The following SUPT3H variants were observed in gnomAD, a reference collection of about 807,000 sequenced individuals.
SUPT3H encodes SPT3 homolog, SAGA and STAGA complex component.
SUPT3H carries 44 observed loss-of-function variants against 44.3 expected under a neutral mutation model. The ratio of observed to expected loss-of-function variants is 0.99; its 90% confidence interval spans 0.78 to 1.28. SUPT3H has a LOEUF of 1.28. Among genes scored for constraint, SUPT3H ranks in the 50% most tolerant of loss-of-function variants. SUPT3H has a pLI of 0.00. For missense variants in SUPT3H, 380 were observed against 387.1 expected (o/e 0.98, Z 0.15); for synonymous variants, 124 against 125.6 (o/e 0.99, Z 0.09).
At chr6:45,173,335 C>CA (rs751196917) in intron 2 of SUPT3H, among the ~76,000 whole-genome samples, 3 of 152,132 alleles carry the variant, frequency 2.0e-5, no homozygotes, top group Non-Finnish European at 4.4e-5. Context: ...TTTGCAATTA[C>CA]AAACACAAGC....
intron 2 of SUPT3H, among the ~76,000 whole-genome samples, chr6:45,188,835 T>G (rs1562649219): frequency 6.6e-6 from 1 of 152,340 alleles, no homozygotes; most frequent in East Asian, 1.9e-4. Context: ...GTACTCATTT[T>G]TATAGGTAGT....
At position 44,936,374 on chromosome 6, in the gene SUPT3H, A is replaced by G. The variant is rs1425335522; in HGVS notation, c.802-3611T>C. Among the ~76,000 whole-genome samples the G allele has an allele frequency of 2.0e-5, 3 of 152,234 alleles. No homozygotes were observed. In the East Asian group the frequency reaches 5.8e-4, roughly 29 times the overall value. On this transcript the variant is annotated intron_variant, in intron 9 of 10. Transcript: ENST00000371459. ...TTTTCTTTGTATAAATGTATGCAGT[A>G]CAAGTGTGATTATGTTACATGCATA...
intron 3 of SUPT3H, among the ~76,000 whole-genome samples, chr6:45,088,068 C>T (rs924244413): frequency 6.6e-6 from 1 of 151,980 alleles, no homozygotes; most frequent in Non-Finnish European, 1.5e-5. Flanking sequence ...GGAAAAGCTT[C>T]CTAAGTCTCC....
At chr6:45,062,613 G>C (rs1016690908) in intron 3 of SUPT3H, among the ~76,000 whole-genome samples, 2 of 152,288 alleles carry the variant, frequency 1.3e-5, no homozygotes, top group East Asian at 1.9e-4. Flanking sequence ...CGCACCATGC[G>C]CAAGCCGAAG....
At chr6:45,307,915 G>T (rs1422926092) in intron 2 of SUPT3H, among the ~76,000 whole-genome samples, 2 of 152,144 alleles carry the variant, frequency 1.3e-5, no homozygotes, top group East Asian at 1.9e-4. Flanking sequence ...GTCCTTAAAG[G>T]ACCTGATGGA....
At chr6:44,867,644 A>G (rs1337676037) in intron 10 of SUPT3H, among the ~76,000 whole-genome samples, 1 of 152,142 alleles carries the variant, frequency 6.6e-6, no homozygotes, top group African/African-American at 2.4e-5. Context: ...GTCTATAACA[A>G]ACCTGCATGA....
chr6:45,073,061 G>A (rs754948804), intron 3 of SUPT3H, among the ~76,000 whole-genome samples: 3 of 152,010 alleles, frequency 2.0e-5, no homozygotes. Flanking sequence ...GACTTTCTCC[G>A]TTAAAGTCTA....
rs1779246519 is a variant in SUPT3H at position 44,982,558 on chromosome 6, G to T, written c.505-20730C>A. ...AAATGTCACTGGAAGAAGCCATAAG[G>T]GTCCTAACTTCTGGTAAACATCCAG... On this transcript the variant is annotated intron_variant, in intron 6 of 10. Transcript: ENST00000371459. Among the ~76,000 whole-genome samples the T allele has an allele frequency of 3.9e-5, 6 of 152,108 alleles. No homozygotes were observed. The South Asian group carries it at 8.3e-4, about 21-fold the overall frequency.
chr6:45,112,838 C>T (rs1022974447), intron 2 of SUPT3H, among the ~76,000 whole-genome samples: 2 of 152,146 alleles, frequency 1.3e-5, no homozygotes, highest in Admixed American at 1.3e-4. Flanking sequence ...TCTTTACTGC[C>T]ATGTGTACAT....
At chr6:44,945,928 A>G (rs1234909910) in intron 9 of SUPT3H, among the ~76,000 whole-genome samples, 4 of 152,172 alleles carry the variant, frequency 2.6e-5, no homozygotes, top group South Asian at 4.1e-4. Context: ...GGAGAAATCA[A>G]TGCCTGGCTT....
chr6:45,171,205 A>G (rs1463066765), intron 2 of SUPT3H, among the ~76,000 whole-genome samples: 1 of 152,214 alleles, frequency 6.6e-6, no homozygotes, highest in Non-Finnish European at 1.5e-5. Context: ...CATGAGCATT[A>G]AGATGATGAA....
chr6:45,082,797 T>C (rs954283843), intron 3 of SUPT3H, among the ~76,000 whole-genome samples: 10 of 151,940 alleles, frequency 6.6e-5, no homozygotes, highest in Non-Finnish European at 1.3e-4. Context: ...GAGAGAGAAA[T>C]AAAAGGCACC....
intron 10 of SUPT3H, among the ~76,000 whole-genome samples, chr6:44,901,905 T>A (rs1432372805): frequency 6.6e-6 from 1 of 152,162 alleles, no homozygotes; most frequent in African/African-American, 2.4e-5. Context: ...AACCCAGAAT[T>A]TCATATCCAG....
At chr6:44,857,028 A>T (rs1162005119) in intron 10 of SUPT3H, among the ~76,000 whole-genome samples, 15 of 152,208 alleles carry the variant, frequency 9.9e-5, no homozygotes, top group Non-Finnish European at 4.4e-5. Context: ...TCTATATCAT[A>T]AACTAACCCA....
intron 6 of SUPT3H, among the ~76,000 whole-genome samples, chr6:45,001,685 T>C (rs1349344301): frequency 6.6e-6 from 1 of 152,058 alleles, no homozygotes; most frequent in East Asian, 1.9e-4. Flanking sequence ...TTTTCATACA[T>C]GCTAGGGGAG....
At chr6:45,179,461 T>C (rs1438028270) in intron 2 of SUPT3H, among the ~76,000 whole-genome samples, 3 of 152,200 alleles carry the variant, frequency 2.0e-5, no homozygotes, top group Non-Finnish European at 4.4e-5. Flanking sequence ...TTGATGACCA[T>C]TGATGCAAAA....
chr6:45,204,232 G>A (rs1257073586), intron 2 of SUPT3H, among the ~76,000 whole-genome samples: 1 of 134,632 alleles, frequency 7.4e-6, no homozygotes, highest in Non-Finnish European at 1.6e-5. Context: ...GGGTGACAGA[G>A]CAAGATTCCG....
At chr6:45,202,323 C>T (rs1038725529) in intron 2 of SUPT3H, among the ~76,000 whole-genome samples, 10 of 150,820 alleles carry the variant, frequency 6.6e-5, no homozygotes, top group African/African-American at 9.7e-5. Flanking sequence ...AATTATGAAA[C>T]GGTTTAAAAA....
intron 10 of SUPT3H, among the ~76,000 whole-genome samples, chr6:44,850,443 T>C (rs1772677963): frequency 6.6e-6 from 1 of 152,162 alleles, no homozygotes; most frequent in Non-Finnish European, 1.5e-5. Flanking sequence ...TGAATTAAGA[T>C]GGCTTATTTA....
Sources: allele counts gnomAD v4.1 joint callset (sites outside exome capture counted in the v4.1 genomes callset), GRCh38; gene constraint gnomAD v4.1.1; transcripts MANE v1.5; gene names NCBI Gene and HGNC (gene_info 2026-07-23, HGNC 2026-07-21).